Variants in SLIT2 observed in about 807,000 individuals in gnomAD.
SLIT2 encodes the protein slit homolog 2 protein.
A neutral mutation model predicts 185.7 loss-of-function variants in SLIT2; 41 were observed. The ratio of observed to expected loss-of-function variants is 0.22; its 90% CI spans 0.17 to 0.29. The LOEUF is 0.29. Among genes scored for constraint, SLIT2 ranks in the 10% least tolerant of loss-of-function variants. The pLI, the probability that SLIT2 is intolerant of heterozygous loss-of-function variation, is 1.00. For missense variants in SLIT2, 1,571 were observed against 1,909.0 expected (o/e 0.82, Z 3.30); for synonymous variants, 693 against 680.2 (o/e 1.02, Z -0.29).
chr4:20,272,291 C>T (rs1315887326), intron 4 of SLIT2, among the ~76,000 whole-genome samples: 6 of 150,964 alleles, frequency 4.0e-5, no homozygotes. Flanking sequence ...AAAAATAAGC[C>T]AGCATGAAGT....
intron 4 of SLIT2, among the ~76,000 whole-genome samples, chr4:20,347,314 A>G (rs1721510395): frequency 6.6e-6 from 1 of 152,214 alleles, no homozygotes; most frequent in Non-Finnish European, 1.5e-5. Context: ...GATACCATAT[A>G]CTGTTCCAGC....
chr4:20,363,128 T>G (rs1722868117), intron 4 of SLIT2, among the ~76,000 whole-genome samples: 1 of 152,080 alleles, frequency 6.6e-6, no homozygotes, highest in African/African-American at 2.4e-5. Flanking sequence ...TTGTTTTAAA[T>G]GGGGAATTTA....
intron 8 of SLIT2, chr4:20,490,727 A>C (rs529645807): frequency 9.5e-7 from 1 of 1,053,652 alleles, no homozygotes; most frequent in African/African-American, 1.6e-5. Context: ...TTTTTAAAAA[A>C]TTAAATAATG....
At chr4:20,455,617 G>A (rs1037865053) in intron 4 of SLIT2, among the ~76,000 whole-genome samples, 2 of 152,048 alleles carry the variant, frequency 1.3e-5, no homozygotes, top group African/African-American at 4.8e-5. Flanking sequence ...AAAATAAATG[G>A]AGTACAGATA....
chr4:20,523,794 G>T lies in SLIT2; in HGVS notation c.1165G>T (p.Val389Leu), dbSNP rs1202398484. The T allele has an allele frequency of 6.2e-7, 1 of 1,613,898 alleles. No individual in the cohort carries two copies. The highest frequency in any genetic ancestry group is 1.7e-5 in the Admixed American group (1 of 60,004). ...TGCCAACAAGATAAACTGCCTTCGG[G>T]TAGATGCTTTTCAGGATCTCCACAA... is the stretch of plus-strand genomic sequence containing the variant. ...LNANKINCLR[V>L]DAFQDLHNLN... is the part of the protein sequence containing the mutation. Residue 389 changes from valine (V) to leucine (L), a missense_variant, in exon 13 of 37, where the codon GTA (valine) becomes TTA (leucine). Physicochemically the swap from Val to Leu is conservative, Grantham distance 32 (BLOSUM62 1). Transcript: ENST00000504154.
At chr4:20,291,365 A>G (rs1715798369) in intron 4 of SLIT2, among the ~76,000 whole-genome samples, 2 of 148,150 alleles carry the variant, frequency 1.3e-5, no homozygotes, top group African/African-American at 2.5e-5. Context: ...ACATACGAGT[A>G]TTTGGCTGAG....
chr4:20,557,504 C>T (rs1393965526), intron 26 of SLIT2, among the ~76,000 whole-genome samples: 3 of 151,954 alleles, frequency 2.0e-5, no homozygotes, highest in African/African-American at 7.3e-5. Context: ...AATTTAAGCC[C>T]ATTCTTGAGA....
intron 9 of SLIT2, among the ~76,000 whole-genome samples, chr4:20,502,824 G>GA (rs1718863656): frequency 1.3e-5 from 2 of 152,142 alleles, no homozygotes; most frequent in Admixed American, 6.6e-5. Flanking sequence ...TTCCATGATA[G>GA]AAAAATCACT....
chr4:20,553,039 C>T (rs1040184823), intron 25 of SLIT2, among the ~76,000 whole-genome samples: 1 of 152,210 alleles, frequency 6.6e-6, no homozygotes, highest in African/African-American at 2.4e-5. Flanking sequence ...TTTCCTGTCA[C>T]TACTTCTAAT....
intron 4 of SLIT2, among the ~76,000 whole-genome samples, chr4:20,398,382 T>C (rs1180256727): frequency 6.6e-6 from 1 of 151,790 alleles, no homozygotes; most frequent in Non-Finnish European, 1.5e-5. Context: ...CTGAAGCTGG[T>C]TCGAGAGTCC....
At chr4:20,353,763 C>G (rs1722074504) in intron 4 of SLIT2, among the ~76,000 whole-genome samples, 2 of 152,122 alleles carry the variant, frequency 1.3e-5, no homozygotes, top group Admixed American at 6.5e-5. Flanking sequence ...AAGGAAGTGA[C>G]TTTCTTTAGA....
At chr4:20,521,996 G>A (rs1165881947) in intron 12 of SLIT2, among the ~76,000 whole-genome samples, 1 of 152,108 alleles carries the variant, frequency 6.6e-6, no homozygotes, top group East Asian at 1.9e-4. Context: ...GCTAGATATA[G>A]CTTGATGCTG....
chr4:20,365,504 C>T (rs561044739), intron 4 of SLIT2, among the ~76,000 whole-genome samples: 11 of 152,244 alleles, frequency 7.2e-5, no homozygotes, highest in African/African-American at 2.2e-4. Flanking sequence ...GCGTGAGTAA[C>T]GGGCTGTACC....
chr4:20,483,229 A>C (rs1716888323), intron 6 of SLIT2, among the ~76,000 whole-genome samples: 1 of 151,998 alleles, frequency 6.6e-6, no homozygotes, highest in Non-Finnish European at 1.5e-5. Context: ...AAATGAGGTA[A>C]TGGCCCTTGG....
chr4:20,381,082 C>T (rs1037424050), intron 4 of SLIT2, among the ~76,000 whole-genome samples: 3 of 151,918 alleles, frequency 2.0e-5, no homozygotes, highest in Non-Finnish European at 2.9e-5. Context: ...GGCGAAACCC[C>T]GTCTCTACTA....
chr4:20,384,951 GA>G (rs1190709571), intron 4 of SLIT2, among the ~76,000 whole-genome samples: 1 of 152,140 alleles, frequency 6.6e-6, no homozygotes, highest in Non-Finnish European at 1.5e-5. Context: ...TCAAAAATTG[GA>G]ATGCCGTTCA....
At chr4:20,389,259 A>G (rs1725220581) in intron 4 of SLIT2, among the ~76,000 whole-genome samples, 1 of 151,808 alleles carries the variant, frequency 6.6e-6, no homozygotes, top group African/African-American at 2.4e-5. Context: ...TATTATTGTA[A>G]TTATTATTAT....
intron 4 of SLIT2, among the ~76,000 whole-genome samples, chr4:20,324,033 A>C (rs1035909258): frequency 6.6e-6 from 1 of 152,204 alleles, no homozygotes; most frequent in African/African-American, 2.4e-5. Context: ...AGCGGGGAAG[A>C]AACAATAAGA....
At chr4:20,260,831 C>T (rs1712375793) in intron 3 of SLIT2, among the ~76,000 whole-genome samples, 1 of 151,750 alleles carries the variant, frequency 6.6e-6, no homozygotes, top group Non-Finnish European at 1.5e-5. Context: ...GATAAACTGT[C>T]AAGGAGTTAA....
Sources: allele counts gnomAD v4.1 joint callset (sites outside exome capture counted in the v4.1 genomes callset), GRCh38; gene constraint gnomAD v4.1.1; transcripts MANE v1.5; gene names NCBI Gene and HGNC (gene_info 2026-07-23, HGNC 2026-07-21).